The following MCMDC2 variants were observed in gnomAD, a reference collection of about 807,000 sequenced individuals.
The protein encoded by MCMDC2 is minichromosome maintenance domain containing 2.
In MCMDC2, 54 loss-of-function variants were observed where a neutral mutation model predicts 75.8. That is an observed-to-expected ratio of 0.71 (90% CI 0.57 to 0.89). MCMDC2 has a LOEUF of 0.89. Ranked by LOEUF, MCMDC2 falls within the 40% of genes least tolerant of loss-of-function variation. The pLI is 0.00. For synonymous variants in MCMDC2, 249 were observed against 274.6 expected (o/e 0.91, Z 0.92); for missense variants, 656 against 780.4 (o/e 0.84, Z 1.90).
At chr8:66,894,729 A>AT (rs1005270916) in intron 10 of MCMDC2, among the ~76,000 whole-genome samples, 9 of 152,166 alleles carry the variant, frequency 5.9e-5, no homozygotes, top group Admixed American at 1.3e-4. Context: ...CTACTATTAC[A>AT]TTTTTTGTAA....
intron 8 of MCMDC2, 47 bp downstream of exon 8, chr8:66,881,021 ATC>A (rs766621506): frequency 1.8e-5 from 24 of 1,338,430 alleles, no homozygotes; most frequent in Admixed American, 1.6e-4. Flanking sequence ...TTAAATTTAA[ATC>A]TATTTGTTCA....
At chr8:66,925,805 A>G (rs1269743909), downstream of MCMDC2, among the ~76,000 whole-genome samples, 1 of 152,194 alleles carries the variant, frequency 6.6e-6, no homozygotes, top group Non-Finnish European at 1.5e-5. Context: ...TGCTAGAGCT[A>G]GTCAATGTTT....
At position 66,907,307 on chromosome 8, in the gene MCMDC2, A is replaced by G. The variant is rs550964710; in HGVS notation, c.1879+1972A>G. On this transcript the variant is annotated intron_variant, in intron 14 of 14. Coordinates refer to ENST00000422365, the MANE Select transcript of MCMDC2 (RefSeq NM_173518.5). ...TGTTCTAATTGTTCAGCTCCCACTT[A>G]TGAATGAGAATATGTGGTGTTTGGT... Among the ~76,000 whole-genome samples the G allele has an allele frequency of 9.9e-5, 15 of 152,182 alleles. No homozygotes were observed. The East Asian group carries it at 2.7e-3, about 27-fold the overall frequency.
chr8:66,898,292 T>C (rs567865876), intron 12 of MCMDC2, among the ~76,000 whole-genome samples: 72 of 152,262 alleles, frequency 4.7e-4, no homozygotes, highest in African/African-American at 1.5e-3. Flanking sequence ...CTCATAGATA[T>C]ATAAACTTTC....
At chr8:66,875,628 A>G (rs566335627) in intron 4 of MCMDC2, among the ~76,000 whole-genome samples, 3 of 152,324 alleles carry the variant, frequency 2.0e-5, no homozygotes, top group Middle Eastern at 3.4e-3. Flanking sequence ...TACAAAAGTA[A>G]CAATAATTCC....
At chr8:66,908,022 C>G (rs933507952) in intron 14 of MCMDC2, among the ~76,000 whole-genome samples, 1 of 152,234 alleles carries the variant, frequency 6.6e-6, no homozygotes, top group Non-Finnish European at 1.5e-5. Context: ...TGTAGGTTGC[C>G]TGTTCACTCT....
intron 14 of MCMDC2, among the ~76,000 whole-genome samples, chr8:66,912,659 A>T (rs1813161992): frequency 6.6e-6 from 1 of 152,224 alleles, no homozygotes. Flanking sequence ...GCTGGAAATC[A>T]TCATTCTCAC....
intron 14 of MCMDC2, among the ~76,000 whole-genome samples, chr8:66,908,721 C>T (rs950765368): frequency 6.6e-6 from 1 of 152,160 alleles, no homozygotes; most frequent in Admixed American, 6.5e-5. Flanking sequence ...AGTGATTCTC[C>T]TGCTTCAGCC....
At position 66,920,050 on chromosome 8, in the gene MCMDC2, G is replaced by C. The variant is rs1319247815; in HGVS notation, c.*881G>C. On this transcript the variant is annotated 3_prime_UTR_variant, in exon 15 of 15. Transcript: ENST00000422365. ...AAAAGCAAAATGTCATTACCAAATTGCCACTTTATTAACCAAGATGTTACC... is the reference window on the plus strand; with the variant it reads ...AAAAGCAAAATGTCATTACCAAATTCCCACTTTATTAACCAAGATGTTACC... 6.6e-6 allele frequency: 1 copy of C among 152,082 alleles called. No homozygotes were observed. Among genetic ancestry groups the C allele is most frequent in the African/African-American group, 2.4e-5 (1 of 41,412 alleles). 9.4% of individuals were successfully genotyped at this position (152,082 alleles called of 1,614,324 possible).
At chr8:66,890,103 G>A (rs1040411326) in intron 9 of MCMDC2, among the ~76,000 whole-genome samples, 7 of 152,128 alleles carry the variant, frequency 4.6e-5, no homozygotes, top group East Asian at 3.9e-4. Flanking sequence ...GTCTTGCTCC[G>A]TCACCCAGGC....
At chr8:66,924,400 G>T (rs922102584), downstream of MCMDC2, among the ~76,000 whole-genome samples, 1 of 152,068 alleles carries the variant, frequency 6.6e-6, no homozygotes, top group African/African-American at 2.4e-5. Flanking sequence ...GCCTAGGCGG[G>T]TGGATCACGA....
intron 1 of MCMDC2, among the ~76,000 whole-genome samples, chr8:66,872,587 CAAT>C (rs1242657742): frequency 2.0e-5 from 3 of 152,114 alleles, no homozygotes; most frequent in Non-Finnish European, 1.5e-5. Context: ...AGGATAGGGA[CAAT>C]ATTTTACTCA....
At position 66,921,187 on chromosome 8, in the gene MCMDC2, T is replaced by C. The variant is rs932736018; in HGVS notation, c.*2018T>C. ...AGAAGTGTACATTCAGAAACAATTA[T>C]GGGAGGTAATTCATTAATATTAAAT... On this transcript the variant is annotated 3_prime_UTR_variant, in exon 15 of 15. Coordinates refer to ENST00000422365, the MANE Select transcript of MCMDC2 (RefSeq NM_173518.5). 3 of 152,098 alleles carry C rather than the reference T, an allele frequency of 2.0e-5. No individual in the cohort carries two copies. Among genetic ancestry groups the C allele is most frequent in the Non-Finnish European group, 2.9e-5 (2 of 68,020 alleles). The allele number at this position is 152,098 out of a possible 1,614,324, so 9.4% of individuals were successfully genotyped here. A position where few individuals can be genotyped will look rare whatever the true frequency, so the allele number is the denominator to read the frequency against.
intron 4 of MCMDC2, among the ~76,000 whole-genome samples, chr8:66,876,835 A>G (rs1811309221): frequency 6.6e-6 from 1 of 152,020 alleles, no homozygotes; most frequent in Admixed American, 6.6e-5. Flanking sequence ...ACCTCGGCTC[A>G]CTGCAAGCTC....
In MCMDC2 at chr8:66,896,240, G is replaced by A; in HGVS notation, c.1350G>A (p.Met450Ile). ...KKFGEDIDQQ[M>I]TFPVQCSFWS... is the part of the protein sequence containing the mutation. ...TTGGGGAGGATATTGATCAACAGATGACTTTTCCAGTTCAGTGCAGTTTTT... is the reference window on the plus strand; with the variant it reads ...TTGGGGAGGATATTGATCAACAGATAACTTTTCCAGTTCAGTGCAGTTTTT... The change falls in exon 11 of 15, where the codon ATG becomes ATA. Residue 450 changes from methionine (M) to isoleucine (I), a missense_variant. Met to Ile is a conservative substitution (Grantham distance 10, BLOSUM62 1). Coordinates refer to ENST00000422365, the MANE Select transcript of MCMDC2 (RefSeq NM_173518.5). 6.2e-7 allele frequency: 1 copy of A among 1,612,506 alleles called. No individual in the cohort carries two copies. The highest frequency in any genetic ancestry group is 1.1e-5 in the South Asian group (1 of 90,580).
chr8:66,921,276 T>C lies in MCMDC2; in HGVS notation c.*2107T>C, dbSNP rs974339741. 5.9e-5 allele frequency: 9 copies of C among 152,158 alleles called. No individual in the cohort carries two copies. Among genetic ancestry groups the C allele is most frequent in the Non-Finnish European group, 1.0e-4 (7 of 68,044 alleles). The allele number at this position is 152,158 out of a possible 1,614,324, so 9.4% of individuals were successfully genotyped here. On this transcript the variant is annotated 3_prime_UTR_variant, in exon 15 of 15. Coordinates refer to ENST00000422365, the MANE Select transcript of MCMDC2 (RefSeq NM_173518.5). ...GGGGGTGGGGTGCAGGACGAAAAAT[T>C]AATGGGTGCAATGTACACCATTCAG...
chr8:66,915,688 T>C (rs1223839359), intron 14 of MCMDC2, among the ~76,000 whole-genome samples: 1 of 151,782 alleles, frequency 6.6e-6, no homozygotes, highest in Non-Finnish European at 1.5e-5. Flanking sequence ...AGAGAAAAGC[T>C]CTAACCTAGG....
At chr8:66,892,527 G>C (rs1812157015) in intron 10 of MCMDC2, among the ~76,000 whole-genome samples, 1 of 152,222 alleles carries the variant, frequency 6.6e-6, no homozygotes, top group Non-Finnish European at 1.5e-5. Flanking sequence ...GAAGTGGGTA[G>C]CTCGTACCCC....
At chr8:66,876,064 A>G (rs1237482470) in intron 4 of MCMDC2, among the ~76,000 whole-genome samples, 1 of 152,204 alleles carries the variant, frequency 6.6e-6, no homozygotes, top group Non-Finnish European at 1.5e-5. Context: ...GTCACAATTG[A>G]TTAGTGGGTT....
Sources: gnomAD v4.1 joint callset for allele counts (sites outside exome capture counted in the v4.1 genomes callset) on GRCh38, gnomAD v4.1.1 for gene constraint, MANE v1.5 for transcripts, NCBI Gene and HGNC (gene_info 2026-07-23, HGNC 2026-07-21) for gene names.